The following DLG5 variants were observed in gnomAD, a reference collection of about 807,000 sequenced individuals.
DLG5 encodes disks large homolog 5.
In DLG5, 48 loss-of-function variants were observed where a neutral mutation model predicts 189.8. The ratio of observed to expected loss-of-function variants is 0.25; its 90% CI spans 0.20 to 0.32. The LOEUF (loss-of-function observed/expected upper bound fraction) is 0.32. DLG5 is among the 10% of genes least tolerant of loss of function. DLG5 has a pLI of 1.00. For missense variants in DLG5, 2,160 were observed against 2,544.7 expected (o/e 0.85, Z 3.25); for synonymous variants, 1,016 against 1,054.1 (o/e 0.96, Z 0.70).
chr10:77,873,977 C>T (rs1564567881), intron 1 of DLG5, among the ~76,000 whole-genome samples: 2 of 152,332 alleles, frequency 1.3e-5, no homozygotes, highest in African/African-American at 4.8e-5. Context: ...CACATCCTGC[C>T]GCCCTCCTCC....
In DLG5 at chr10:77,812,078, G is replaced by A. The variant is rs1230980268; in HGVS notation, c.4189-21C>T. On this transcript the variant is annotated intron_variant, in intron 21 of 31. Transcript: ENST00000372391. ...TTGAACTGGGGAAACACCAGGATGG[G>A]CTCAGTGGGGGGGTCGGGGCTGTGG... 2.5e-6 allele frequency: 4 copies of A among 1,607,268 alleles called. No homozygotes were observed. The Admixed American group carries it at 5.0e-5, about 20-fold the overall frequency.
At chr10:77,869,930 CT>C (rs71715394) in intron 1 of DLG5, among the ~76,000 whole-genome samples, 5,869 of 152,160 alleles carry the variant, frequency 0.039, 241 homozygotes, top group East Asian at 0.25. Flanking sequence ...GAGCAAGTAG[CT>C]TTTGTTTTCT....
chr10:77,806,729 A>ACC, intron 26 of DLG5, 29 bp downstream of exon 26: 1 of 809,820 alleles, frequency 1.2e-6, no homozygotes, highest in Non-Finnish European at 1.9e-6. Context: ...CCCCTGCCCC[A>ACC]CCCCACCCCA....
intron 5 of DLG5, among the ~76,000 whole-genome samples, chr10:77,848,480 G>C (rs1333438211): frequency 1.3e-5 from 2 of 152,070 alleles, no homozygotes; most frequent in Admixed American, 6.5e-5. Context: ...GCACTGCCCT[G>C]GTCCCAGGAA....
intron 3 of DLG5, among the ~76,000 whole-genome samples, chr10:77,855,953 C>T (rs1286178202): frequency 6.6e-6 from 1 of 152,188 alleles, no homozygotes; most frequent in African/African-American, 2.4e-5. Context: ...ACCCTATGGG[C>T]CACCCTTCCC....
chr10:77,829,025 G>A (rs781510120), intron 12 of DLG5, 40 bp from the exon 13 acceptor site: 17 of 1,595,392 alleles, frequency 1.1e-5, no homozygotes, highest in South Asian at 1.1e-5. Context: ...CCCTGGCCTC[G>A]CTGCCCAGCC....
chr10:77,926,371 G>T lies in DLG5; in HGVS notation c.150C>A (p.Gly50=), dbSNP rs1846693278. The part of the protein sequence containing the change: ...ERRQLDEEAG[G]AKAELLLKLL... The stretch of plus-strand genomic sequence containing the variant: ...GCTTGAGCAGCAGCTCCGCCTTGGC[G>T]CCTCCCGCCTCCTCGTCCAGCTGCC... Residue 50 remains glycine, a synonymous_variant, in exon 1 of 32, where the codon GGC becomes GGA. Transcript: ENST00000372391. The surrounding 1 kb of genome is among the most constrained non-coding windows in gnomAD (Gnocchi z 5.2). 6.3e-7 allele frequency: 1 copy of T among 1,597,548 alleles called. No individual in the cohort carries two copies. The highest frequency in any genetic ancestry group is 8.5e-7 in the Non-Finnish European group (1 of 1,174,106).
chr10:77,813,986 CT>C (rs1209846420), intron 20 of DLG5, among the ~76,000 whole-genome samples: 1 of 150,652 alleles, frequency 6.6e-6, no homozygotes, highest in African/African-American at 2.5e-5. Context: ...TTTTTTCTTT[CT>C]TTTTTTTTGG....
chr10:77,924,276 C>G (rs988599184), intron 1 of DLG5, among the ~76,000 whole-genome samples: 5 of 152,156 alleles, frequency 3.3e-5, no homozygotes, highest in Non-Finnish European at 5.9e-5. Flanking sequence ...TGTGGTAAAA[C>G]TGGGGTCTGA....
chr10:77,843,763 T>G, intron 5 of DLG5, 57 bp from the exon 6 acceptor site: 2 of 1,605,122 alleles, frequency 1.2e-6, no homozygotes, highest in East Asian at 4.5e-5. Flanking sequence ...GGAGGAGACC[T>G]CCCACTCTCA....
intron 27 of DLG5, among the ~76,000 whole-genome samples, chr10:77,797,484 G>C (rs1393305968): frequency 2.0e-5 from 3 of 152,212 alleles, no homozygotes; most frequent in Non-Finnish European, 2.9e-5. Context: ...GAGCACGCAA[G>C]AGCTGCCTGG....
intron 7 of DLG5, among the ~76,000 whole-genome samples, chr10:77,841,220 G>A (rs985368990): frequency 6.6e-6 from 1 of 152,194 alleles, no homozygotes; most frequent in Non-Finnish European, 1.5e-5. Context: ...TCCGCGATGA[G>A]GAGAGGTTGA....
intron 1 of DLG5, among the ~76,000 whole-genome samples, chr10:77,879,677 AAAGGATCT>A (rs1478524952): frequency 2.6e-5 from 4 of 151,054 alleles, no homozygotes; most frequent in Non-Finnish European, 5.9e-5. Context: ...AGCAGAGCTG[AAAGGATCT>A]GCTCATAGGC....
In DLG5 at chr10:77,920,044, A is replaced by G. The variant is rs1276806764; in HGVS notation, c.304+6173T>C. On this transcript the variant is annotated intron_variant, in intron 1 of 31. Coordinates refer to ENST00000372391, the MANE Select transcript of DLG5 (RefSeq NM_004747.4). ...AGGCTCTATTCTGGGCATGAGGACT[A>G]TAACAGCAAATTCAGCTCAGGGAGG... 5.9e-5 allele frequency among the ~76,000 whole-genome samples: 9 copies of G among 152,230 alleles called. No homozygotes were observed. The South Asian group carries it at 8.3e-4, about 14-fold the overall frequency.
intron 6 of DLG5, 68 bp from the exon 7 acceptor site, chr10:77,842,261 C>T (rs1291972657): frequency 3.9e-6 from 6 of 1,538,884 alleles, no homozygotes; most frequent in Non-Finnish European, 3.5e-6. Context: ...GGCTGCGCTG[C>T]TGCCTCCCGC....
At position 77,807,743 on chromosome 10, in the gene DLG5, GA is replaced by G. The variant is rs1241373643; in HGVS notation, c.4796+52del. ...ATTCACCAGGAAAAGAGTCTCCAGT[GA>G]AAGCCTCTCCTCTGGTTCCAAATCT... On this transcript the variant is annotated intron_variant, in intron 25 of 31. Transcript: ENST00000372391. 5.0e-6 allele frequency: 8 copies of G among 1,584,344 alleles called. No individual in the cohort carries two copies. In the East Asian group the frequency reaches 1.8e-4, roughly 36 times the overall value.
At chr10:77,922,674 G>A (rs1409191938) in intron 1 of DLG5, among the ~76,000 whole-genome samples, 2 of 152,126 alleles carry the variant, frequency 1.3e-5, no homozygotes, top group African/African-American at 4.8e-5. Context: ...CTTACAGACA[G>A]GGCCCTGGAA....
intron 1 of DLG5, among the ~76,000 whole-genome samples, chr10:77,896,180 A>G (rs1845753309): frequency 6.6e-6 from 1 of 152,138 alleles, no homozygotes; most frequent in African/African-American, 2.4e-5. Context: ...AAATGTCTAT[A>G]TCATAACAAC....
intron 27 of DLG5, among the ~76,000 whole-genome samples, chr10:77,797,894 G>A (rs1841004171): frequency 6.6e-6 from 1 of 152,096 alleles, no homozygotes; most frequent in Admixed American, 6.6e-5. Context: ...GTGTTTTTTA[G>A]AAGTGATCAC....
Sources: gnomAD v4.1 joint callset for allele counts (sites outside exome capture counted in the v4.1 genomes callset) on GRCh38, gnomAD v4.1.1 for gene constraint, Gnocchi (gnomAD v3.1) non-coding constraint, MANE v1.5 for transcripts, NCBI Gene and HGNC (gene_info 2026-07-23, HGNC 2026-07-21) for gene names.